Variants in PTK2 observed in about 807,000 individuals in gnomAD.
PTK2 encodes protein tyrosine kinase 2.
A neutral mutation model predicts 150.1 loss-of-function variants in PTK2; 45 were observed. That is an observed-to-expected ratio of 0.30 (90% CI 0.24 to 0.38). The LOEUF is 0.38. PTK2 is among the 10% of genes least tolerant of loss of function. The pLI is 1.00. For synonymous variants in PTK2, 432 were observed against 449.2 expected (o/e 0.96, Z 0.48); for missense variants, 919 against 1,307.3 (o/e 0.70, Z 4.58).
intron 11 of PTK2, among the ~76,000 whole-genome samples, chr8:140,802,278 G>A (rs2100095540): frequency 6.6e-6 from 1 of 151,916 alleles, no homozygotes. Flanking sequence ...AGGCTAGCGT[G>A]TATGTTTGTG....
intron 4 of PTK2, among the ~76,000 whole-genome samples, chr8:140,873,442 T>C (rs1321231972): frequency 6.6e-6 from 1 of 151,314 alleles, no homozygotes; most frequent in East Asian, 1.9e-4. Context: ...CTCTTGTGTA[T>C]CTATTACTGA....
chr8:140,850,968 T>C lies in PTK2; in HGVS notation c.451-4290A>G, dbSNP rs552186607. Among the ~76,000 whole-genome samples the C allele has an allele frequency of 3.9e-4, 60 of 152,356 alleles. No homozygotes were observed. The South Asian group carries it at 0.012, about 32-fold the overall frequency. On this transcript the variant is annotated intron_variant, in intron 5 of 31. Transcript: ENST00000522684. ...CCACATGAGATTTTGTGTTTTATTG[T>C]GGTCTCTTTTGAATATTCTAACAGC... is the stretch of plus-strand genomic sequence containing the variant.
intron 24 of PTK2, 131 bp from the exon 28 acceptor site, chr8:140,702,838 T>C: frequency 9.8e-7 from 1 of 1,020,812 alleles, no homozygotes; most frequent in Non-Finnish European, 1.4e-6. Context: ...AAGATACCCA[T>C]GTTCTAATCC....
intron 2 of PTK2, among the ~76,000 whole-genome samples, chr8:140,897,894 T>C (rs1427300600): frequency 6.6e-6 from 1 of 152,256 alleles, no homozygotes; most frequent in Non-Finnish European, 1.5e-5. Context: ...CCCTTCTGTT[T>C]CTGCGGCCAA....
intron 1 of PTK2, among the ~76,000 whole-genome samples, chr8:140,958,212 A>C (rs2100181863): frequency 6.6e-6 from 1 of 152,178 alleles, no homozygotes; most frequent in African/African-American, 2.4e-5. Flanking sequence ...ATCATGCCTC[A>C]CTGCAGCACC....
At chr8:140,700,945 C>A in exon 26 of PTK2, 1 of 1,613,946 alleles carries the variant, frequency 6.2e-7, no homozygotes, top group South Asian at 1.1e-5. Context: ...TTTCCTGTTG[C>A]TGTCGGATTA....
At chr8:140,876,152 C>T (rs1163195794) in intron 4 of PTK2, among the ~76,000 whole-genome samples, 1 of 152,074 alleles carries the variant, frequency 6.6e-6, no homozygotes, top group Non-Finnish European at 1.5e-5. Flanking sequence ...CAGTTACTAT[C>T]TTGTTTCATG....
intron 1 of PTK2, among the ~76,000 whole-genome samples, chr8:140,963,236 T>C (rs1055648673): frequency 1.3e-5 from 2 of 152,338 alleles, no homozygotes; most frequent in Admixed American, 1.3e-4. Context: ...AGCTATACTC[T>C]GTGCTAAGAG....
At chr8:140,933,091 T>C (rs952783009) in intron 1 of PTK2, among the ~76,000 whole-genome samples, 8 of 151,666 alleles carry the variant, frequency 5.3e-5, no homozygotes, top group Admixed American at 2.6e-4. Flanking sequence ...CCTCCGATGA[T>C]CTAACCACCT....
At chr8:140,751,538 C>G (rs908830350) in intron 17 of PTK2, among the ~76,000 whole-genome samples, 1 of 151,692 alleles carries the variant, frequency 6.6e-6, no homozygotes, top group East Asian at 1.9e-4. Context: ...ATTGCCCAGG[C>G]TGAAGTGCAG....
Position 140,735,188 on chromosome 8 carries a change from G to A in PTK2, c.2030+63C>T. 3 of 1,472,370 alleles carry A rather than the reference G, an allele frequency of 2.0e-6. No homozygotes were observed. In the South Asian group the frequency reaches 3.5e-5, roughly 17 times the overall value. 91.2% of individuals were successfully genotyped at this position (1,472,370 alleles called of 1,614,324 possible). On this transcript the variant is annotated intron_variant, in intron 22 of 31. Transcript: ENST00000522684. Reference sequence around the variant, plus strand: ...ATAATGACCTTAAAATGCTATTACTGCAAGGAGGAGAAGCAGCATAATCTG... The same window carrying A: ...ATAATGACCTTAAAATGCTATTACTACAAGGAGGAGAAGCAGCATAATCTG...
chr8:140,835,073 G>A (rs1181940537), intron 7 of PTK2, among the ~76,000 whole-genome samples: 2 of 152,176 alleles, frequency 1.3e-5, no homozygotes, highest in Non-Finnish European at 1.5e-5. Flanking sequence ...TGCACCAGCT[G>A]ACTGCCATCA....
At chr8:140,886,953 T>C (rs749065741) in intron 3 of PTK2, among the ~76,000 whole-genome samples, 6 of 152,236 alleles carry the variant, frequency 3.9e-5, no homozygotes, top group Non-Finnish European at 8.8e-5. Context: ...TTCAACATTG[T>C]ACAGCCTGGG....
chr8:140,780,265 A>C (rs2100080918), intron 14 of PTK2, among the ~76,000 whole-genome samples: 1 of 152,160 alleles, frequency 6.6e-6, no homozygotes, highest in South Asian at 2.1e-4. Context: ...ACAGCTGCTA[A>C]AACTATTAGG....
At chr8:140,765,418 C>G (rs868032044) in intron 14 of PTK2, among the ~76,000 whole-genome samples, 23 of 151,896 alleles carry the variant, frequency 1.5e-4, no homozygotes, top group Non-Finnish European at 1.8e-4. Flanking sequence ...TGACTGAGAT[C>G]AAATCTACAA....
chr8:140,991,018 A>G (rs72689173), intron 1 of PTK2, among the ~76,000 whole-genome samples: 1 of 152,330 alleles, frequency 6.6e-6, no homozygotes, highest in Non-Finnish European at 1.5e-5. Context: ...CTCATCTCTG[A>G]GCTCACAACA....
At position 140,875,461 on chromosome 8, in the gene PTK2, G is replaced by A. The variant is rs73373576; in HGVS notation, c.362+4010C>T. Among the ~76,000 whole-genome samples the A allele has an allele frequency of 4.0e-3, 606 of 152,262 alleles. 9 individuals carry two copies. The highest frequency in any genetic ancestry group is 0.014 in the African/African-American group (579 of 41,542). Reference sequence around the variant, plus strand: ...GAAAACTGAAATCAAAAGGACTGATGTCACCAGAGTGGAGGAGGAAGAGGA... The same window carrying A: ...GAAAACTGAAATCAAAAGGACTGATATCACCAGAGTGGAGGAGGAAGAGGA... On this transcript the variant is annotated intron_variant, in intron 4 of 31. Coordinates refer to ENST00000522684, the Ensembl canonical transcript of PTK2.
chr8:140,845,823 T>C (rs1598382525), intron 7 of PTK2, among the ~76,000 whole-genome samples: 1 of 152,232 alleles, frequency 6.6e-6, no homozygotes, highest in East Asian at 1.9e-4. Flanking sequence ...AACAGTCTGA[T>C]GCACACATTA....
At chr8:140,797,755 T>C (rs988526690) in intron 12 of PTK2, among the ~76,000 whole-genome samples, 3 of 152,190 alleles carry the variant, frequency 2.0e-5, no homozygotes, top group African/African-American at 7.2e-5. Flanking sequence ...TGGAATGCAG[T>C]CCAGGACAAT....
Sources: allele counts gnomAD v4.1 joint callset (sites outside exome capture counted in the v4.1 genomes callset), GRCh38; gene constraint gnomAD v4.1.1; transcripts MANE v1.5; gene names NCBI Gene and HGNC (gene_info 2026-07-23, HGNC 2026-07-21).